Variants in ZDHHC24 observed in about 807,000 individuals in gnomAD.
The protein encoded by ZDHHC24 is zDHHC palmitoyltransferase 24.
A neutral mutation model predicts 23.2 loss-of-function variants in ZDHHC24; 17 were observed. The observed-to-expected ratio is 0.73, with a 90% CI of 0.50 to 1.10. ZDHHC24 has a LOEUF of 1.10. Among genes scored for constraint, ZDHHC24 ranks in the 50% least tolerant of loss-of-function variants. The pLI is 0.00. For synonymous variants in ZDHHC24, 186 were observed against 194.5 expected, an observed-to-expected ratio of 0.96 and a Z score of 0.36; for missense variants, 366 against 393.0, an observed-to-expected ratio of 0.93 and a Z score of 0.58.
At chr11:66,541,678 A>G (rs1857156061) in intron 2 of ZDHHC24, among the ~76,000 whole-genome samples, 1 of 152,166 alleles carries the variant, frequency 6.6e-6, no homozygotes, top group South Asian at 2.1e-4. Context: ...GGGCAACCAC[A>G]AAGGAAGGTG....
intron 1 of ZDHHC24, among the ~76,000 whole-genome samples, chr11:66,544,929 A>C (rs1274124773): frequency 2.0e-5 from 3 of 152,238 alleles, no homozygotes; most frequent in Non-Finnish European, 4.4e-5. Context: ...TGGGATACCA[A>C]GTGATGTTAT....
chr11:66,535,153 A>G (rs1367264249), downstream of ZDHHC24, among the ~76,000 whole-genome samples: 1 of 152,146 alleles, frequency 6.6e-6, no homozygotes, highest in Non-Finnish European at 1.5e-5. Context: ...TCAGCCTCCC[A>G]AAGTGCTGGG....
downstream of ZDHHC24, chr11:66,533,055 T>C (rs1345523388): frequency 2.0e-5 from 3 of 152,168 alleles, no homozygotes; most frequent in Non-Finnish European, 4.4e-5. Flanking sequence ...ATGGGAGACA[T>C]ATGCCCAGCA....
At chr11:66,531,692 G>A (rs121917777), downstream of ZDHHC24, 1 of 1,614,116 alleles carries the variant, frequency 6.2e-7, no homozygotes, top group Admixed American at 1.7e-5. Context: ...CTACCCCCTG[G>A]AGACCTTTGT....
chr11:66,522,598 G>A (rs992935562), intron 4 of ZDHHC24, among the ~76,000 whole-genome samples: 5 of 151,952 alleles, frequency 3.3e-5, no homozygotes, highest in Non-Finnish European at 7.4e-5. Flanking sequence ...CACCCTTCTC[G>A]GCCTCCCAAA....
intron 2 of ZDHHC24, among the ~76,000 whole-genome samples, chr11:66,540,162 A>G (rs1164113481): frequency 6.6e-6 from 1 of 152,144 alleles, no homozygotes; most frequent in Non-Finnish European, 1.5e-5. Flanking sequence ...TCACACCTGT[A>G]ATCCCAGCAC....
At chr11:66,521,444 C>G in exon 5 of ZDHHC24, 1 of 1,266,852 alleles carries the variant, frequency 7.9e-7, no homozygotes, top group Non-Finnish European at 1.1e-6. Flanking sequence ...CAGAGGCTTG[C>G]AAGATGAGAG....
intron 3 of ZDHHC24, among the ~76,000 whole-genome samples, chr11:66,528,651 A>G (rs1856620769): frequency 6.6e-6 from 1 of 152,126 alleles, no homozygotes; most frequent in Non-Finnish European, 1.5e-5. Flanking sequence ...CACAATCAGG[A>G]CAACTTGCTT....
chr11:66,545,605 G>T lies in ZDHHC24; in HGVS notation c.281+118C>A, dbSNP rs2134902045. 1 of 1,211,340 alleles carries T rather than the reference G, an allele frequency of 8.3e-7. No homozygotes were observed. Among genetic ancestry groups the T allele is most frequent in the Non-Finnish European group, 1.1e-6 (1 of 912,040 alleles). The allele number at this position is 1,211,340 out of a possible 1,614,324, so 75.0% of individuals were successfully genotyped here. On this transcript the variant is annotated intron_variant, in intron 1 of 2. Transcript: ENST00000310442. This position sits in a 1 kb window ranked among gnomAD's most constrained non-coding sequence, Gnocchi z 4.5. Reference sequence around the variant, plus strand: ...CTTCCATCCCAGGTTCTAAAAAAATGTCTGATTCTAACAACCTGGATCCTA... The same window carrying T: ...CTTCCATCCCAGGTTCTAAAAAAATTTCTGATTCTAACAACCTGGATCCTA...
At position 66,545,596 on chromosome 11, in the gene ZDHHC24, T is replaced by C; in HGVS notation, c.281+127A>G. ...ATTCTAGCTCTTCCATCCCAGGTTC[T>C]AAAAAAATGTCTGATTCTAACAACC... On this transcript the variant is annotated intron_variant, in intron 1 of 2. Coordinates refer to ENST00000310442, the MANE Select transcript of ZDHHC24 (RefSeq NM_207340.3). This position sits in a 1 kb window ranked among gnomAD's most constrained non-coding sequence, Gnocchi z 4.5. 8.6e-7 allele frequency: 1 copy of C among 1,166,080 alleles called. No individual in the cohort carries two copies. The highest frequency in any genetic ancestry group is 2.9e-5 in the East Asian group (1 of 34,510). 72.2% of individuals were successfully genotyped at this position (1,166,080 alleles called of 1,614,324 possible).
Position 66,526,768 on chromosome 11 carries a change from TACGTGGATCAG to T in ZDHHC24, c.*21+157_*21+167del, listed in dbSNP as rs780788640. The stretch of plus-strand genomic sequence containing the variant: ...CAATGTGCCCCGAAAGACCCGGCTT[TACGTGGATCAG>T]ACACTGCGAGAGCGGGAGGCTGGCA... On this transcript the variant is annotated intron_variant, in intron 4 of 4. Coordinates refer to the ZDHHC24 transcript ENST00000526986. 3 of 1,614,092 alleles carry T rather than the reference TACGTGGATCAG, an allele frequency of 1.9e-6. No homozygotes were observed. The African/African-American group carries it at 4.0e-5, about 22-fold the overall frequency.
chr11:66,530,547 A>G (rs1565290262), intron 2 of ZDHHC24, among the ~76,000 whole-genome samples: 1 of 152,170 alleles, frequency 6.6e-6, no homozygotes, highest in Non-Finnish European at 1.5e-5. Flanking sequence ...AGAGGCTACA[A>G]GGCAACTCTG....
At chr11:66,541,739 G>A (rs1241744680) in intron 2 of ZDHHC24, among the ~76,000 whole-genome samples, 2 of 152,124 alleles carry the variant, frequency 1.3e-5, no homozygotes, top group African/African-American at 4.8e-5. Flanking sequence ...AACGCTTCAC[G>A]GGGGCTGGGG....
In ZDHHC24 at chr11:66,536,964, A is replaced by G. The variant is rs557272982; in HGVS notation, c.*2565T>C. On this transcript the variant is annotated 3_prime_UTR_variant, in exon 3 of 3. Coordinates refer to ENST00000310442, the MANE Select transcript of ZDHHC24 (RefSeq NM_207340.3). The stretch of plus-strand genomic sequence containing the variant: ...GGTGAGTCTGCTAATGCGTCTGTGC[A>G]GCCCAAAGTGCCAGGTACACCAAGT... The G allele has an allele frequency of 6.6e-6, 1 of 152,170 alleles. No homozygotes were observed. Among genetic ancestry groups the G allele is most frequent in the African/African-American group, 2.4e-5 (1 of 41,558 alleles). 9.4% of individuals were successfully genotyped at this position (152,170 alleles called of 1,614,324 possible). A position where few individuals can be genotyped will look rare whatever the true frequency, so the allele number is the denominator to read the frequency against.
At position 66,545,676 on chromosome 11, in the gene ZDHHC24, T is replaced by G; in HGVS notation, c.281+47A>C. ...CTCAGGTCTTGGGGCCCCTCCCCCC[T>G]GTCCAAGGCTCCCACTTCTCCCCGC... On this transcript the variant is annotated intron_variant, in intron 1 of 2. Transcript: ENST00000310442. The surrounding 1 kb of genome is among the most constrained non-coding windows in gnomAD (Gnocchi z 4.5). 1 of 1,445,554 alleles carries G rather than the reference T, an allele frequency of 6.9e-7. No homozygotes were observed. Among genetic ancestry groups the G allele is most frequent in the Non-Finnish European group, 9.1e-7 (1 of 1,103,634 alleles). The allele number at this position is 1,445,554 out of a possible 1,614,324, so 89.5% of individuals were successfully genotyped here.
chr11:66,545,544 T>C lies in ZDHHC24; in HGVS notation c.281+179A>G, dbSNP rs2134901683. Among the ~76,000 whole-genome samples, 1 of 152,330 alleles carries C rather than the reference T, an allele frequency of 6.6e-6. No individual in the cohort carries two copies. Among genetic ancestry groups the C allele is most frequent in the East Asian group, 1.9e-4 (1 of 5,186 alleles). ...TTGCACCTAGTAGGCTCCCAATAAG[T>C]ATTTGCGAGTAAATAAATAACACTC... On this transcript the variant is annotated intron_variant, in intron 1 of 2. Transcript: ENST00000310442. This position sits in a 1 kb window ranked among gnomAD's most constrained non-coding sequence, Gnocchi z 4.5.
downstream of ZDHHC24, chr11:66,532,119 G>A: frequency 7.1e-7 from 1 of 1,408,046 alleles, no homozygotes; most frequent in Non-Finnish European, 9.7e-7. Context: ...CACTCCTCAT[G>A]CAGCAGTGTG....
rs1281939916 is a variant in ZDHHC24 at position 66,536,019 on chromosome 11, G to A, written c.*3510C>T. Reference sequence around the variant, plus strand: ...ACATAATCAAGTGAAAAGGCAAACTGTAAAAGAATAAACTCTGCATGATTT... The same window carrying A: ...ACATAATCAAGTGAAAAGGCAAACTATAAAAGAATAAACTCTGCATGATTT... On this transcript the variant is annotated 3_prime_UTR_variant, in exon 3 of 3. Transcript: ENST00000310442. 1 of 152,148 alleles carries A rather than the reference G, an allele frequency of 6.6e-6. No individual in the cohort carries two copies. The allele number at this position is 152,148 out of a possible 1,614,324, so 9.4% of individuals were successfully genotyped here.
intron 4 of ZDHHC24, chr11:66,523,072 C>A: frequency 2.2e-6 from 1 of 454,052 alleles, no homozygotes; most frequent in Non-Finnish European, 4.4e-6. Context: ...TGACACAGGG[C>A]AAAGCTCTTC....
Sources: allele counts gnomAD v4.1 joint callset (sites outside exome capture counted in the v4.1 genomes callset), GRCh38; gene constraint gnomAD v4.1.1; non-coding constraint Gnocchi (gnomAD v3.1); transcripts MANE v1.5; gene names NCBI Gene and HGNC (gene_info 2026-07-23, HGNC 2026-07-21).